Variants in PTPRO observed in about 807,000 individuals in gnomAD.
PTPRO encodes the protein receptor-type tyrosine-protein phosphatase O.
A neutral mutation model predicts 145.2 loss-of-function variants in PTPRO; 62 were observed. That is an observed-to-expected ratio of 0.43 (90% CI 0.35 to 0.53). The LOEUF (loss-of-function observed/expected upper bound fraction) is 0.53. Ranked by LOEUF, PTPRO falls within the 20% of genes least tolerant of loss-of-function variation. The pLI is 0.01. For synonymous variants in PTPRO, 565 were observed against 514.7 expected (o/e 1.10, Z -1.32); for missense variants, 1,345 against 1,482.7 (o/e 0.91, Z 1.53).
At chr12:15,360,992 AGT>A (rs1183463222) in intron 1 of PTPRO, among the ~76,000 whole-genome samples, 10 of 147,268 alleles carry the variant, frequency 6.8e-5, no homozygotes, top group South Asian at 2.2e-4. Context: ...ACACACACAT[AGT>A]GTGTGTGTGT....
At chr12:15,545,788 C>A (rs1255903835) in intron 12 of PTPRO, among the ~76,000 whole-genome samples, 2 of 152,090 alleles carry the variant, frequency 1.3e-5, no homozygotes, top group African/African-American at 2.4e-5. Context: ...AATCCCAATA[C>A]TTTGGGAGGC....
intron 1 of PTPRO, among the ~76,000 whole-genome samples, chr12:15,481,282 A>G (rs1310245358): frequency 1.3e-5 from 2 of 152,142 alleles, no homozygotes; most frequent in Non-Finnish European, 2.9e-5. Context: ...AAACCTGCCC[A>G]TGTGTCTGGA....
At chr12:15,457,449 C>T (rs1489707877) in intron 1 of PTPRO, among the ~76,000 whole-genome samples, 1 of 152,172 alleles carries the variant, frequency 6.6e-6, no homozygotes, top group Non-Finnish European at 1.5e-5. Context: ...TTAGCTATTT[C>T]TAAGTCTTCA....
intron 1 of PTPRO, among the ~76,000 whole-genome samples, chr12:15,469,312 G>T (rs1941485279): frequency 6.6e-6 from 1 of 152,204 alleles, no homozygotes; most frequent in South Asian, 2.1e-4. Context: ...AATGATATTT[G>T]TGGGTGCTTC....
Position 15,589,654 on chromosome 12 carries a change from A to G in PTPRO, c.3546+64A>G, listed in dbSNP as rs145515425. On this transcript the variant is annotated intron_variant, in intron 25 of 26. Transcript: ENST00000281171. ...GGACTGAAAAACTTACCATTATTCA[A>G]TGATATGCTTCAAAACAATTCTCTC... The G allele has an allele frequency of 2.0e-3, 3,086 of 1,572,116 alleles. 18 individuals carry two copies. The highest frequency in any genetic ancestry group is 0.018 in the African/African-American group (1,332 of 74,142).
intron 1 of PTPRO, among the ~76,000 whole-genome samples, chr12:15,382,178 T>TATATATATATA (rs1565597910): frequency 3.8e-5 from 5 of 133,218 alleles, no homozygotes; most frequent in African/African-American, 1.7e-4. Flanking sequence ...ATATATATAT[T>TATATATATATA]TATATTTATA....
chr12:15,487,073 C>T (rs148393466), intron 2 of PTPRO, among the ~76,000 whole-genome samples: 40 of 152,126 alleles, frequency 2.6e-4, no homozygotes, highest in East Asian at 2.1e-3. Flanking sequence ...CCCTGAACAC[C>T]GGCACCACAG....
At chr12:15,520,712 A>C (rs1942698980) in intron 10 of PTPRO, among the ~76,000 whole-genome samples, 1 of 152,188 alleles carries the variant, frequency 6.6e-6, no homozygotes, top group Non-Finnish European at 1.5e-5. Flanking sequence ...TTTTAAAGTC[A>C]TAGGCTGACT....
At chr12:15,436,805 C>A (rs1940607593) in intron 1 of PTPRO, among the ~76,000 whole-genome samples, 1 of 152,200 alleles carries the variant, frequency 6.6e-6, no homozygotes, top group Non-Finnish European at 1.5e-5. Flanking sequence ...GGGGCCTCCA[C>A]AGCCAGAACT....
At chr12:15,551,954 T>C (rs1376280274) in intron 15 of PTPRO, among the ~76,000 whole-genome samples, 2 of 150,796 alleles carry the variant, frequency 1.3e-5, no homozygotes, top group African/African-American at 4.9e-5. Flanking sequence ...TCCATTACAT[T>C]TGGGTACTTT....
chr12:15,521,096 C>G (rs951762953), intron 10 of PTPRO, among the ~76,000 whole-genome samples: 1 of 151,978 alleles, frequency 6.6e-6, no homozygotes, highest in Non-Finnish European at 1.5e-5. Flanking sequence ...TTTCAAGAAC[C>G]TTTTATCGAA....
chr12:15,351,301 G>A (rs1311267086), intron 1 of PTPRO, among the ~76,000 whole-genome samples: 1 of 152,056 alleles, frequency 6.6e-6, no homozygotes, highest in Non-Finnish European at 1.5e-5. Context: ...TTTGAAACCT[G>A]TCATTAATAT....
At chr12:15,439,941 G>C (rs981443665) in intron 1 of PTPRO, 2 of 681,112 alleles carry the variant, frequency 2.9e-6, no homozygotes, top group Non-Finnish European at 5.3e-6. Context: ...ATCGGTCTGG[G>C]TGTTAAGTGC....
chr12:15,408,497 C>T (rs990393782), intron 1 of PTPRO, among the ~76,000 whole-genome samples: 5 of 152,042 alleles, frequency 3.3e-5, no homozygotes, highest in Non-Finnish European at 5.9e-5. Context: ...GGCATGATCT[C>T]CCTCACTGCA....
At chr12:15,370,088 A>G in intron 1 of PTPRO, among the ~76,000 whole-genome samples, 1 of 152,164 alleles carries the variant, frequency 6.6e-6, no homozygotes, top group East Asian at 1.9e-4. Flanking sequence ...TCCTCAAGGA[A>G]GTGTATGTTA....
rs1352504259 is a variant in PTPRO, at chr12:15,580,729, C to T, written c.3030C>T (p.Thr1010=). 1 of 1,614,006 alleles carries T rather than the reference C, an allele frequency of 6.2e-7. No homozygotes were observed. The highest frequency in any genetic ancestry group is 1.1e-5 in the South Asian group (1 of 91,082). Reference sequence around the variant, plus strand: ...ACTCACCCCAGGAGTATATTGCCACCCAGGGGCCACTGCCTGAAACCAGAA... The same window carrying T: ...ACTCACCCCAGGAGTATATTGCCACTCAGGGGCCACTGCCTGAAACCAGAA... ...GYNSPQEYIA[T]QGPLPETRND... Residue 1010 remains threonine, a synonymous_variant, in exon 22 of 27, where the codon ACC becomes ACT. Coordinates refer to ENST00000281171, the MANE Select transcript of PTPRO (RefSeq NM_030667.3).
Position 15,322,709 on chromosome 12 carries a change from G to C in PTPRO, c.-18G>C, listed in dbSNP as rs750753678. ...TCCGCTAGCGCAGCCGTGCCCCCGAGTCCCCGTCCGCGCAGCGATGGGGCA... is the reference window on the plus strand; with the variant it reads ...TCCGCTAGCGCAGCCGTGCCCCCGACTCCCCGTCCGCGCAGCGATGGGGCA... On this transcript the variant is annotated 5_prime_UTR_variant, in exon 1 of 27. Coordinates refer to ENST00000281171, the MANE Select transcript of PTPRO (RefSeq NM_030667.3). This position sits in a 1 kb window ranked among gnomAD's most constrained non-coding sequence, Gnocchi z 6.3. The C allele has an allele frequency of 1.2e-6, 2 of 1,606,908 alleles. No individual in the cohort carries two copies. Among genetic ancestry groups the C allele is most frequent in the African/African-American group, 2.7e-5 (2 of 74,764 alleles).
chr12:15,434,927 A>T (rs1465575135), intron 1 of PTPRO, among the ~76,000 whole-genome samples: 2 of 152,244 alleles, frequency 1.3e-5, no homozygotes, highest in South Asian at 2.1e-4. Flanking sequence ...AGATACAGTC[A>T]GACAATTTCA....
rs563107736 is a variant in PTPRO, at chr12:15,520,917, A to T, written c.1891+605A>T. On this transcript the variant is annotated intron_variant, in intron 10 of 26. Transcript: ENST00000281171. Reference sequence around the variant, plus strand: ...ATTTATTACAACTTCATTATTATATAAGCTACTTTGCAAAATACACGACAC... The same window carrying T: ...ATTTATTACAACTTCATTATTATATTAGCTACTTTGCAAAATACACGACAC... Among the ~76,000 whole-genome samples the T allele has an allele frequency of 3.0e-4, 45 of 152,334 alleles. 1 individual carries two copies. Among genetic ancestry groups the T allele is most frequent in the African/African-American group, 1.1e-3 (44 of 41,576 alleles).
Sources: allele counts gnomAD v4.1 joint callset (sites outside exome capture counted in the v4.1 genomes callset), GRCh38; gene constraint gnomAD v4.1.1; non-coding constraint Gnocchi (gnomAD v3.1); transcripts MANE v1.5; gene names NCBI Gene and HGNC (gene_info 2026-07-23, HGNC 2026-07-21).